Variants in SLC41A2 observed in about 807,000 individuals in gnomAD.
The protein encoded by SLC41A2 is SLC41A1-like 1.
A neutral mutation model predicts 58.3 loss-of-function variants in SLC41A2; 32 were observed. The ratio of observed to expected loss-of-function variants is 0.55; its 90% CI spans 0.41 to 0.74. The LOEUF (loss-of-function observed/expected upper bound fraction) is 0.74, where lower values mean the gene tolerates loss of function less well. SLC41A2 is among the 30% of genes least tolerant of loss of function. The probability of loss-of-function intolerance (pLI) is 0.00; values close to 1 mark genes in which losing one functional copy is unlikely to be tolerated. For synonymous variants in SLC41A2, 190 were observed against 235.0 expected, an observed-to-expected ratio of 0.81 and a Z score of 1.75; for missense variants, 514 against 680.6, an observed-to-expected ratio of 0.76 and a Z score of 2.72.
At chr12:104,842,200 T>C (rs1429521402) in intron 10 of SLC41A2, among the ~76,000 whole-genome samples, 1 of 152,092 alleles carries the variant, frequency 6.6e-6, no homozygotes, top group Non-Finnish European at 1.5e-5. Context: ...AAGGTCAAGA[T>C]CTTTTACCTA....
At chr12:104,924,957 G>A (rs2046771716) in intron 2 of SLC41A2, among the ~76,000 whole-genome samples, 1 of 151,992 alleles carries the variant, frequency 6.6e-6, no homozygotes, top group Admixed American at 6.6e-5. Flanking sequence ...TTTAAAAAGA[G>A]TCAAGTAAAA....
intron 6 of SLC41A2, among the ~76,000 whole-genome samples, chr12:104,880,010 A>C (rs1055430236): frequency 6.6e-6 from 1 of 151,974 alleles, no homozygotes; most frequent in African/African-American, 2.4e-5. Context: ...TTGGATTCCT[A>C]GGTATTTTAT....
At chr12:104,817,558 G>C (rs557077688) in intron 10 of SLC41A2, among the ~76,000 whole-genome samples, 2 of 151,280 alleles carry the variant, frequency 1.3e-5, no homozygotes, top group South Asian at 4.2e-4. Flanking sequence ...TTATCCTATA[G>C]GCTTTTTCCT....
At chr12:104,829,494 G>A (rs2041968105) in intron 10 of SLC41A2, among the ~76,000 whole-genome samples, 1 of 152,174 alleles carries the variant, frequency 6.6e-6, no homozygotes, top group Non-Finnish European at 1.5e-5. Flanking sequence ...CTGGCATGGA[G>A]GGGAACTGAC....
At chr12:104,813,777 A>G (rs772005855) in intron 10 of SLC41A2, among the ~76,000 whole-genome samples, 30 of 152,096 alleles carry the variant, frequency 2.0e-4, no homozygotes, top group Non-Finnish European at 3.7e-4. Flanking sequence ...CTAGGACTAC[A>G]GGTGCGCACC....
chr12:104,942,818 T>G (rs1302160949), intron 1 of SLC41A2, among the ~76,000 whole-genome samples: 2 of 152,196 alleles, frequency 1.3e-5, no homozygotes, highest in African/African-American at 4.8e-5. Context: ...GTACTCTATC[T>G]TGTTACACAG....
intron 1 of SLC41A2, among the ~76,000 whole-genome samples, chr12:104,936,602 A>G (rs1310798809): frequency 6.6e-6 from 1 of 152,128 alleles, no homozygotes; most frequent in East Asian, 1.9e-4. Flanking sequence ...CCCATTTTTT[A>G]AAACCATCAG....
At chr12:104,913,162 A>G (rs996504635) in intron 2 of SLC41A2, among the ~76,000 whole-genome samples, 3 of 152,172 alleles carry the variant, frequency 2.0e-5, no homozygotes, top group Admixed American at 2.0e-4. Flanking sequence ...GTGCCAAAAA[A>G]TTCTACATTA....
intron 1 of SLC41A2, among the ~76,000 whole-genome samples, chr12:104,954,606 C>T (rs751362312): frequency 8.5e-5 from 13 of 152,146 alleles, no homozygotes; most frequent in Non-Finnish European, 1.9e-4. Context: ...ATTTTCAATA[C>T]GTTTGATAAT....
chr12:104,886,957 A>G lies in SLC41A2; in HGVS notation c.881-518T>C, dbSNP rs923752683. Among the ~76,000 whole-genome samples the G allele has an allele frequency of 5.9e-5, 9 of 152,058 alleles. No homozygotes were observed. The South Asian group carries it at 1.2e-3, about 21-fold the overall frequency. On this transcript the variant is annotated intron_variant, in intron 5 of 10. Coordinates refer to ENST00000258538, the MANE Select transcript of SLC41A2 (RefSeq NM_001352171.3). ...GCAGCAGGACATAATTAAATTTTAAAACACTGAAGGCCAGAATACAAGAAA... is the reference window on the plus strand; with the variant it reads ...GCAGCAGGACATAATTAAATTTTAAGACACTGAAGGCCAGAATACAAGAAA...
intron 2 of SLC41A2, among the ~76,000 whole-genome samples, chr12:104,915,666 T>G (rs1252764412): frequency 1.3e-5 from 2 of 152,228 alleles, no homozygotes; most frequent in East Asian, 1.9e-4. Flanking sequence ...AAGGAGATTT[T>G]GGGCTGATAT....
chr12:104,929,220 TG>T (rs2135890603), intron 1 of SLC41A2, among the ~76,000 whole-genome samples: 1 of 152,318 alleles, frequency 6.6e-6, no homozygotes, highest in East Asian at 1.9e-4. Flanking sequence ...TAAAAACACT[TG>T]GTAGGTATCC....
rs1271339269 is a variant in SLC41A2, at chr12:104,880,630, A to C, written c.1027+5663T>G. 2.0e-5 allele frequency among the ~76,000 whole-genome samples: 3 copies of C among 152,240 alleles called. No homozygotes were observed. The East Asian group carries it at 5.8e-4, about 29-fold the overall frequency. On this transcript the variant is annotated intron_variant, in intron 6 of 10. Coordinates refer to ENST00000258538, the MANE Select transcript of SLC41A2 (RefSeq NM_001352171.3). ...TGATGGATTAAGTTTATTGATTTGC[A>C]TATGTTGAACCAGCCTTGCATCTCA...
chr12:104,870,009 A>G (rs1382255357), intron 6 of SLC41A2, among the ~76,000 whole-genome samples: 3 of 152,246 alleles, frequency 2.0e-5, no homozygotes, highest in Admixed American at 2.0e-4. Context: ...AATGGGTATT[A>G]GGGTAGGATG....
intron 6 of SLC41A2, among the ~76,000 whole-genome samples, chr12:104,883,488 A>G (rs2044492815): frequency 1.3e-5 from 2 of 152,186 alleles, no homozygotes; most frequent in Non-Finnish European, 2.9e-5. Flanking sequence ...ATGGTGACCT[A>G]CAGATGGGGT....
intron 8 of SLC41A2, among the ~76,000 whole-genome samples, chr12:104,851,078 A>T (rs1290117490): frequency 6.6e-6 from 1 of 152,198 alleles, no homozygotes; most frequent in African/African-American, 2.4e-5. Flanking sequence ...TACCTATCTC[A>T]TAAGGATGCT....
chr12:104,846,760 G>A (rs907875424), intron 8 of SLC41A2, among the ~76,000 whole-genome samples: 1 of 152,150 alleles, frequency 6.6e-6, no homozygotes, highest in Non-Finnish European at 1.5e-5. Context: ...AGGGTAGCCG[G>A]AGCATGCCCA....
intron 10 of SLC41A2, among the ~76,000 whole-genome samples, chr12:104,824,750 C>A (rs1477454330): frequency 6.6e-6 from 1 of 152,164 alleles, no homozygotes; most frequent in African/African-American, 2.4e-5. Context: ...CCACAGCCTG[C>A]CTGTCTGTAT....
At chr12:104,868,020 A>G (rs2043559213) in intron 6 of SLC41A2, among the ~76,000 whole-genome samples, 1 of 151,966 alleles carries the variant, frequency 6.6e-6, no homozygotes, top group South Asian at 2.1e-4. Flanking sequence ...TGGATTTGCC[A>G]TCACATCTTT....
Sources: gnomAD v4.1 joint callset for allele counts (sites outside exome capture counted in the v4.1 genomes callset) on GRCh38, gnomAD v4.1.1 for gene constraint, MANE v1.5 for transcripts, NCBI Gene and HGNC (gene_info 2026-07-23, HGNC 2026-07-21) for gene names.